RANBP2: variants seen among roughly 807,000 people sequenced by gnomAD.
The protein encoded by RANBP2 is E3 SUMO-protein ligase RanBP2.
RANBP2 carries 57 observed loss-of-function variants against 303.6 expected under a neutral mutation model. The ratio of observed to expected loss-of-function variants is 0.19; its 90% CI spans 0.15 to 0.23. RANBP2 has a LOEUF of 0.23. RANBP2 is among the 10% of genes least tolerant of loss of function. The pLI, the probability that RANBP2 is intolerant of heterozygous loss-of-function variation, is 1.00. For synonymous variants in RANBP2, 1,167 were observed against 1,301.5 expected (o/e 0.90, Z 2.23); for missense variants, 3,138 against 3,780.8 (o/e 0.83, Z 4.46).
the RANBP2 span, among the ~76,000 whole-genome samples, chr2:109,272,407 C>T: frequency 1.3e-5 from 2 of 152,338 alleles, no homozygotes; most frequent in Non-Finnish European, 1.5e-5. Context: ...AGGGCAAGCA[C>T]GAAGCCAGCT....
chr2:108,838,388 T>C, the RANBP2 span, among the ~76,000 whole-genome samples: 2 of 152,344 alleles, frequency 1.3e-5, no homozygotes, highest in Non-Finnish European at 1.5e-5. Flanking sequence ...GGAGAATCTT[T>C]ATACAGTTGA....
chr2:109,130,406 C>T, the RANBP2 span, among the ~76,000 whole-genome samples: 22 of 152,246 alleles, frequency 1.4e-4, no homozygotes, highest in Middle Eastern at 3.2e-3. Context: ...TTAAACTTAG[C>T]ATCGCCCTTG....
chr2:109,053,403 C>T, the RANBP2 span, among the ~76,000 whole-genome samples: 1 of 152,168 alleles, frequency 6.6e-6, no homozygotes, highest in African/African-American at 2.4e-5. Flanking sequence ...GAGGAATGGC[C>T]TGGACAGCTG....
chr2:109,715,231 T>C, the RANBP2 span, among the ~76,000 whole-genome samples: 8 of 152,174 alleles, frequency 5.3e-5, no homozygotes, highest in African/African-American at 9.7e-5. Flanking sequence ...CCTCCCAAAG[T>C]GCTGGGATAA....
chr2:108,797,143 G>A, the RANBP2 span, among the ~76,000 whole-genome samples: 1 of 152,108 alleles, frequency 6.6e-6, no homozygotes, highest in African/African-American at 2.4e-5. Flanking sequence ...GCCATTGAGT[G>A]GATATAATTA....
the RANBP2 span, among the ~76,000 whole-genome samples, chr2:108,958,328 C>T: frequency 2.0e-5 from 3 of 151,962 alleles, no homozygotes; most frequent in Non-Finnish European, 4.4e-5. Context: ...CAGCTCGTAA[C>T]GACCACATAA....
chr2:108,982,396 T>A, the RANBP2 span, among the ~76,000 whole-genome samples: 2 of 152,236 alleles, frequency 1.3e-5, no homozygotes, highest in Non-Finnish European at 2.9e-5. Flanking sequence ...CTGCTTTAAC[T>A]GATGCCGTGG....
the RANBP2 span, among the ~76,000 whole-genome samples, chr2:109,563,039 T>G: frequency 1.3e-5 from 2 of 152,006 alleles, no homozygotes; most frequent in African/African-American, 4.8e-5. Flanking sequence ...GCCTCCTGAG[T>G]AGCTGGTTTT....
At chr2:109,712,187 G>C in the RANBP2 span, among the ~76,000 whole-genome samples, 1 of 152,176 alleles carries the variant, frequency 6.6e-6, no homozygotes, top group Admixed American at 6.5e-5. Context: ...TCCCCAGTGA[G>C]CTCAGGGCTG....
At chr2:109,676,847 C>T in the RANBP2 span, among the ~76,000 whole-genome samples, 2 of 152,140 alleles carry the variant, frequency 1.3e-5, no homozygotes, top group Non-Finnish European at 2.9e-5. Context: ...ATGGGTTTCT[C>T]TTTGGCGTCT....
the RANBP2 span, among the ~76,000 whole-genome samples, chr2:109,080,327 G>T: frequency 1.3e-5 from 2 of 152,148 alleles, no homozygotes; most frequent in African/African-American, 4.8e-5. Flanking sequence ...CAGCAGGGGA[G>T]ACTGCCCCAT....
the RANBP2 span, among the ~76,000 whole-genome samples, chr2:108,852,753 G>A: frequency 6.6e-6 from 1 of 152,126 alleles, no homozygotes; most frequent in African/African-American, 2.4e-5. Context: ...CCTATCAGAG[G>A]GTGGGAGGAG....
chr2:109,315,297 C>T, the RANBP2 span, among the ~76,000 whole-genome samples: 1 of 152,108 alleles, frequency 6.6e-6, no homozygotes, highest in Non-Finnish European at 1.5e-5. Flanking sequence ...TTAATAGGGC[C>T]CTGGGTCCAA....
chr2:109,252,781 A>G, the RANBP2 span, among the ~76,000 whole-genome samples: 1 of 152,252 alleles, frequency 6.6e-6, no homozygotes, highest in Non-Finnish European at 1.5e-5. Context: ...AGCCTGTTGT[A>G]TAATAAAGTG....
chr2:108,843,886 CTTTTTTT>C, the RANBP2 span, among the ~76,000 whole-genome samples: 15 of 93,968 alleles, frequency 1.6e-4, no homozygotes, highest in African/African-American at 7.4e-4. Context: ...GTGTTTCTTT[CTTTTTTT>C]TTTTTTTTTT....
At position 108,773,053 on chromosome 2, in the gene RANBP2, A is replaced by C; in HGVS notation, c.8292+7A>C. ...AAAAGTTCAGGAAGCTCAAGTAAGA[A>C]CATCTCTAATAAATTTTCCTTCTAG... On this transcript the variant is annotated splice_region_variant and intron_variant, in intron 23 of 28. Coordinates refer to ENST00000283195, the MANE Select transcript of RANBP2 (RefSeq NM_006267.5). The C allele has an allele frequency of 6.2e-7, 1 of 1,605,248 alleles. No homozygotes were observed.
the RANBP2 span, among the ~76,000 whole-genome samples, chr2:109,007,806 CT>C: frequency 6.6e-6 from 1 of 152,180 alleles, no homozygotes; most frequent in African/African-American, 2.4e-5. Context: ...GATTGGTACT[CT>C]GATCTGTTGG....
At chr2:109,496,247 T>G in the RANBP2 span, among the ~76,000 whole-genome samples, 1 of 152,202 alleles carries the variant, frequency 6.6e-6, no homozygotes, top group African/African-American at 2.4e-5. Context: ...TACAGAGCAC[T>G]AATTGCTGCA....
At chr2:109,585,247 G>T in the RANBP2 span, 1 of 1,613,278 alleles carries the variant, frequency 6.2e-7, no homozygotes, top group South Asian at 1.1e-5. Flanking sequence ...GGGCAAAAAT[G>T]TGAGGATTCA....
Sources: allele counts gnomAD v4.1 joint callset (sites outside exome capture counted in the v4.1 genomes callset), GRCh38; gene constraint gnomAD v4.1.1; transcripts MANE v1.5; gene names NCBI Gene and HGNC (gene_info 2026-07-23, HGNC 2026-07-21).